Variants in PGBD5 observed in about 807,000 individuals in gnomAD.
The protein encoded by PGBD5 is piggyBac transposable element derived 5.
PGBD5 carries 14 observed loss-of-function variants against 47.9 expected under a neutral mutation model. The ratio of observed to expected loss-of-function variants is 0.29; its 90% CI spans 0.19 to 0.46. The LOEUF (loss-of-function observed/expected upper bound fraction) is 0.46. Ranked by LOEUF, PGBD5 falls within the 20% of genes least tolerant of loss-of-function variation. PGBD5 has a pLI of 1.00. For synonymous variants in PGBD5, 316 were observed against 306.3 expected, an observed-to-expected ratio of 1.03 and a Z score of -0.33; for missense variants, 635 against 716.0, an observed-to-expected ratio of 0.89 and a Z score of 1.29.
At position 230,317,276 on chromosome 1, in the gene PGBD5, A is replaced by T. The variant is rs1310383135; in HGVS notation, c.*6149T>A. 2 of 152,358 alleles carry T rather than the reference A, an allele frequency of 1.3e-5. No individual in the cohort carries two copies. The highest frequency in any genetic ancestry group is 4.8e-5 in the African/African-American group (2 of 41,458). 9.4% of individuals were successfully genotyped at this position (152,358 alleles called of 1,614,324 possible). On this transcript the variant is annotated 3_prime_UTR_variant, in exon 7 of 7. Transcript: ENST00000391860. ...AGCAGTTCAGAAGCAGCAGTGGCTGAGAACCAGGAAGCCCTGGAGCAGACA... is the reference window on the plus strand; with the variant it reads ...AGCAGTTCAGAAGCAGCAGTGGCTGTGAACCAGGAAGCCCTGGAGCAGACA...
intron 1 of PGBD5, among the ~76,000 whole-genome samples, chr1:230,376,063 C>T (rs1470158874): frequency 1.3e-5 from 2 of 151,812 alleles, no homozygotes; most frequent in Non-Finnish European, 2.9e-5. Flanking sequence ...GGTCATCCCA[C>T]AGCCTCTTTG....
rs1666980724 is a variant in PGBD5, at chr1:230,318,326, A to C, written c.*5099T>G. The C allele has an allele frequency of 6.6e-6, 1 of 152,270 alleles. No individual in the cohort carries two copies. Among genetic ancestry groups the C allele is most frequent in the African/African-American group, 2.4e-5 (1 of 41,450 alleles). The allele number at this position is 152,270 out of a possible 1,614,324, so 9.4% of individuals were successfully genotyped here. A position where few individuals can be genotyped will look rare whatever the true frequency, so the allele number is the denominator to read the frequency against. On this transcript the variant is annotated 3_prime_UTR_variant, in exon 7 of 7. Transcript: ENST00000391860. ...ATGAGACACACAGAAGCCACGGAGA[A>C]AAAGGGATTAAGTGATGGAGTCAAA... is the stretch of plus-strand genomic sequence containing the variant.
chr1:230,350,430 C>T (rs954382504), intron 3 of PGBD5, among the ~76,000 whole-genome samples: 13 of 152,178 alleles, frequency 8.5e-5, no homozygotes, highest in African/African-American at 2.9e-4. Flanking sequence ...GACTCGGGCA[C>T]GTGCTCCTGC....
chr1:230,344,643 G>A (rs990686306), intron 3 of PGBD5, among the ~76,000 whole-genome samples: 24 of 152,340 alleles, frequency 1.6e-4, no homozygotes, highest in Non-Finnish European at 4.4e-5. Context: ...CTCATTCAGA[G>A]TGTCCCTCAC....
At chr1:230,389,119 C>A (rs1656722636) in intron 1 of PGBD5, among the ~76,000 whole-genome samples, 1 of 152,130 alleles carries the variant, frequency 6.6e-6, no homozygotes, top group African/African-American at 2.4e-5. Context: ...CGATGCAAAT[C>A]TCTGCTATGA....
At chr1:230,421,444 T>C (rs1558217436) in intron 1 of PGBD5, among the ~76,000 whole-genome samples, 1 of 152,220 alleles carries the variant, frequency 6.6e-6, no homozygotes. Flanking sequence ...TGGTGATCAC[T>C]TAATCTGGTA....
intron 1 of PGBD5, among the ~76,000 whole-genome samples, chr1:230,392,196 C>T (rs1656802845): frequency 1.3e-5 from 2 of 152,232 alleles, no homozygotes; most frequent in African/African-American, 2.4e-5. Flanking sequence ...GCTTCCTGGC[C>T]ACATCCCCCC....
chr1:230,364,011 C>T (rs1667788899), intron 1 of PGBD5, among the ~76,000 whole-genome samples: 1 of 152,218 alleles, frequency 6.6e-6, no homozygotes, highest in African/African-American at 2.4e-5. Context: ...AGATGAAGGA[C>T]AAGCCTATTG....
chr1:230,351,233 C>G, intron 2 of PGBD5, 141 bp from the exon 3 acceptor site: 1 of 905,370 alleles, frequency 1.1e-6, no homozygotes, highest in South Asian at 2.2e-5. Context: ...TGATCCTGAC[C>G]CTTCTTATCT....
Position 230,362,397 on chromosome 1 carries a change from G to C in PGBD5, c.332-5076C>G, listed in dbSNP as rs753387914. ...TCTGGCCTGGATGACAGACAGTTGT[G>C]GAGGCTTGCCGGGGAAGCCTGTGTC... On this transcript the variant is annotated intron_variant, in intron 1 of 6. Coordinates refer to ENST00000391860, the MANE Select transcript of PGBD5 (RefSeq NM_001258311.2). 2.9e-6 allele frequency: 4 copies of C among 1,357,396 alleles called. No homozygotes were observed. In the Admixed American group the frequency reaches 7.7e-5, roughly 26 times the overall value. The allele number at this position is 1,357,396 out of a possible 1,614,324, so 84.1% of individuals were successfully genotyped here. A position where few individuals can be genotyped will look rare whatever the true frequency, so the allele number is the denominator to read the frequency against.
intron 1 of PGBD5, among the ~76,000 whole-genome samples, chr1:230,407,548 G>C (rs752888904): frequency 6.6e-5 from 10 of 152,168 alleles, no homozygotes; most frequent in Admixed American, 4.6e-4. Context: ...AATCAGCCAT[G>C]TTTCTCCCTC....
At chr1:230,374,256 A>T (rs1667978714) in intron 1 of PGBD5, among the ~76,000 whole-genome samples, 1 of 152,028 alleles carries the variant, frequency 6.6e-6, no homozygotes, top group Admixed American at 6.5e-5. Context: ...GTCTCTACTA[A>T]AAATACAAAA....
rs1421261627 is a variant in PGBD5, at chr1:230,318,344, G to A, written c.*5081C>T. ...ACGGAGAAAAAGGGATTAAGTGATGGAGTCAAAAGTGAGAAGCCTCAGTCA... is the reference window on the plus strand; with the variant it reads ...ACGGAGAAAAAGGGATTAAGTGATGAAGTCAAAAGTGAGAAGCCTCAGTCA... On this transcript the variant is annotated 3_prime_UTR_variant, in exon 7 of 7. Transcript: ENST00000391860. 1 of 152,242 alleles carries A rather than the reference G, an allele frequency of 6.6e-6. No homozygotes were observed. Among genetic ancestry groups the A allele is most frequent in the Non-Finnish European group, 1.5e-5 (1 of 68,072 alleles). The allele number at this position is 152,242 out of a possible 1,614,324, so 9.4% of individuals were successfully genotyped here.
At chr1:230,342,779 T>C (rs954461924) in intron 3 of PGBD5, among the ~76,000 whole-genome samples, 1 of 152,202 alleles carries the variant, frequency 6.6e-6, no homozygotes, top group Non-Finnish European at 1.5e-5. Flanking sequence ...ATTGTGCACA[T>C]AGAAGTGATT....
At chr1:230,330,695 C>A (rs1667200293) in intron 5 of PGBD5, among the ~76,000 whole-genome samples, 1 of 152,226 alleles carries the variant, frequency 6.6e-6, no homozygotes, top group Admixed American at 6.5e-5. Flanking sequence ...CAAGTGTGAA[C>A]TTCCCTGGGA....
intron 1 of PGBD5, among the ~76,000 whole-genome samples, chr1:230,389,941 C>T (rs1361802542): frequency 6.6e-6 from 1 of 152,194 alleles, no homozygotes; most frequent in Non-Finnish European, 1.5e-5. Flanking sequence ...ATCATCCTCA[C>T]TCCCCTCCCT....
chr1:230,370,800 G>A (rs1458041472), intron 1 of PGBD5, among the ~76,000 whole-genome samples: 3 of 152,208 alleles, frequency 2.0e-5, no homozygotes, highest in Non-Finnish European at 4.4e-5. Flanking sequence ...AGAGCTGAAA[G>A]AGAACTCTAT....
chr1:230,328,298 A>G (rs778871204), intron 5 of PGBD5, among the ~76,000 whole-genome samples: 59 of 152,014 alleles, frequency 3.9e-4, no homozygotes, highest in African/African-American at 1.3e-3. Flanking sequence ...TAAATTTAAC[A>G]TGGGGGTTTC....
At chr1:230,325,159 G>A (rs1667095262) in intron 6 of PGBD5, 151 bp downstream of exon 6, 1 of 639,976 alleles carries the variant, frequency 1.6e-6, no homozygotes, top group African/African-American at 1.8e-5. Context: ...GCGAGGCCCA[G>A]AAGCCCAGGC....
Sources: allele counts gnomAD v4.1 joint callset (sites outside exome capture counted in the v4.1 genomes callset), GRCh38; gene constraint gnomAD v4.1.1; transcripts MANE v1.5; gene names NCBI Gene and HGNC (gene_info 2026-07-23, HGNC 2026-07-21).